Variants in RBBP6 observed in about 807,000 individuals in gnomAD.
RBBP6 encodes the protein RB binding protein 6, ubiquitin ligase.
Under a neutral mutation model 167.7 loss-of-function variants are expected in RBBP6, and 25 were observed. The observed-to-expected ratio is 0.15, with a 90% CI of 0.11 to 0.21. RBBP6 has a LOEUF of 0.21. RBBP6 is among the 10% of genes least tolerant of loss of function. The probability of loss-of-function intolerance (pLI) is 1.00; values close to 1 mark genes in which losing one functional copy is unlikely to be tolerated. For synonymous variants in RBBP6, 789 were observed against 735.8 expected, an observed-to-expected ratio of 1.07 and a Z score of -1.17; for missense variants, 1,868 against 2,134.2, an observed-to-expected ratio of 0.88 and a Z score of 2.46.
In RBBP6 at chr16:24,556,441, T is replaced by C; in HGVS notation, c.668T>C (p.Ile223Thr). Residue 223 changes from isoleucine (I) to threonine (T), a missense_variant, in exon 7 of 18, where the codon ATA (isoleucine) becomes ACA (threonine). Coordinates refer to ENST00000319715, the MANE Select transcript of RBBP6 (RefSeq NM_006910.5). ...ACTGGAAAATATGCAATACCAACTA[T>C]AGATGCGTAAGTATGCAAATTAGGT... ...TNTGKYAIPT[I>T]DAEAYAIGKK... The C allele has an allele frequency of 6.2e-7, 1 of 1,612,322 alleles. No individual in the cohort carries two copies. Among genetic ancestry groups the C allele is most frequent in the Non-Finnish European group, 8.5e-7 (1 of 1,179,042 alleles).
intron 7 of RBBP6, among the ~76,000 whole-genome samples, chr16:24,556,995 CT>C (rs397962167): frequency 0.15 from 15,719 of 108,346 alleles, 280 homozygotes; most frequent in Middle Eastern, 0.18. Flanking sequence ...ACCTTAATGC[CT>C]TTTTTTTTTT....
chr16:24,568,162 T>C (rs1899238988), intron 16 of RBBP6, among the ~76,000 whole-genome samples: 1 of 152,224 alleles, frequency 6.6e-6, no homozygotes, highest in Non-Finnish European at 1.5e-5. Context: ...GGAAATGTTT[T>C]TGGAAGGAAA....
At position 24,571,091 on chromosome 16, in the gene RBBP6, T is replaced by C; in HGVS notation, c.4025T>C (p.Val1342Ala). 1 of 1,612,432 alleles carries C rather than the reference T, an allele frequency of 6.2e-7. No individual in the cohort carries two copies. The highest frequency in any genetic ancestry group is 8.5e-7 in the Non-Finnish European group (1 of 1,178,760). The change falls in exon 18 of 18, where the codon GTA (valine) becomes GCA (alanine). Residue 1342 changes from valine to alanine, a missense_variant. By Grantham distance (64) the Val-to-Ala change is moderately conservative (BLOSUM62 0). Transcript: ENST00000319715. ...DVKSTQPISS[V>A]GKPASVIKNV... The stretch of plus-strand genomic sequence containing the variant: ...AAATCCACACAGCCTATATCAAGTG[T>C]AGGAAAACCTGCTAGTGTTATAAAA...
intron 6 of RBBP6, 66 bp from the exon 7 acceptor site, chr16:24,556,242 C>A: frequency 7.6e-7 from 1 of 1,310,526 alleles, no homozygotes; most frequent in Non-Finnish European, 1.1e-6. Context: ...ATAACATTAG[C>A]TAATTTATTA....
chr16:24,567,079 T>G (rs1899212207), intron 14 of RBBP6, 64 bp from the exon 15 acceptor site: 6 of 1,484,804 alleles, frequency 4.0e-6, no homozygotes, highest in Non-Finnish European at 5.5e-6. Flanking sequence ...ATAGAAGAGA[T>G]AAGCTTACTT....
At chr16:24,568,629 GAAA>G in intron 16 of RBBP6, 113 bp from the exon 17 acceptor site, 1 of 1,382,766 alleles carries the variant, frequency 7.2e-7, no homozygotes, top group Non-Finnish European at 9.5e-7. Context: ...CATCTAAGAT[GAAA>G]TTTGATATAA....
In RBBP6 at chr16:24,567,493, G is replaced by T; in HGVS notation, c.1940G>T (p.Arg647Leu). 1 of 1,607,962 alleles carries T rather than the reference G, an allele frequency of 6.2e-7. No homozygotes were observed. The highest frequency in any genetic ancestry group is 1.1e-5 in the South Asian group (1 of 90,684). The change falls in exon 15 of 18, where the codon CGA becomes CTA. Residue 647 changes from arginine to leucine, a missense_variant. Physicochemically the swap from Arg to Leu is moderately radical, Grantham distance 102. Around this residue, in one of 7 missense-constraint regions of RBBP6, gnomAD observed 145 missense variants for 224.3 expected, o/e 0.65. Transcript: ENST00000319715. ...SREEFYREQR[R>L]LKEEEKKKSK... ...GAAGAATTCTATAGAGAGCAGCGAC[G>T]ACTAAAAGAAGAGTATGTATTCTAA...
intron 8 of RBBP6, 154 bp downstream of exon 8, chr16:24,559,831 T>C (rs1399335282): frequency 1.1e-5 from 6 of 570,912 alleles, no homozygotes; most frequent in Non-Finnish European, 1.6e-5. Flanking sequence ...AGTCTGTTTT[T>C]CTTGCTGTAT....
At chr16:24,555,522 T>C (rs1452994705) in intron 4 of RBBP6, 93 bp from the exon 5 acceptor site, 1 of 931,578 alleles carries the variant, frequency 1.1e-6, no homozygotes, top group African/African-American at 1.7e-5. Context: ...ATTAGTTAGA[T>C]ACTGCTCTTT....
At chr16:24,552,728 C>T (rs1898826196) in intron 3 of RBBP6, among the ~76,000 whole-genome samples, 1 of 151,816 alleles carries the variant, frequency 6.6e-6, no homozygotes, top group African/African-American at 2.4e-5. Context: ...TTATCTCCCC[C>T]TCTTCAGTGT....
intron 1 of RBBP6, among the ~76,000 whole-genome samples, chr16:24,545,868 A>G (rs1238929239): frequency 3.9e-5 from 6 of 152,236 alleles, no homozygotes; most frequent in Admixed American, 6.5e-5. Context: ...CACCATTCAC[A>G]TGTTCAGCAT....
intron 13 of RBBP6, among the ~76,000 whole-genome samples, 171 bp from the exon 14 acceptor site, chr16:24,564,626 A>C (rs994826858): frequency 1.3e-5 from 2 of 152,244 alleles, no homozygotes; most frequent in Non-Finnish European, 2.9e-5. Context: ...AGTTAGTTTT[A>C]AGTAAATATA....
intron 14 of RBBP6, among the ~76,000 whole-genome samples, chr16:24,566,124 A>ACT (rs1899189629): frequency 6.6e-6 from 1 of 152,222 alleles, no homozygotes; most frequent in African/African-American, 2.4e-5. Flanking sequence ...ATGAAAGTTT[A>ACT]CTATGTCATT....
At position 24,568,737 on chromosome 16, in the gene RBBP6, G is replaced by GTT. The variant is rs765643400; in HGVS notation, c.2055-4_2055-3dup. ...CAACTATCAACTATTGTTTTGTTTT[G>GTT]TTTTTAGGTCTAAATCTCCCTATAG... On this transcript the variant is annotated splice_region_variant and splice_polypyrimidine_tract_variant and intron_variant, in intron 16 of 17. Transcript: ENST00000319715. The GTT allele has an allele frequency of 3.9e-5, 63 of 1,599,420 alleles. 1 individual carries two copies. In the South Asian group the frequency reaches 6.7e-4, roughly 17 times the overall value.
intron 10 of RBBP6, among the ~76,000 whole-genome samples, chr16:24,562,551 CAGGT>C (rs1489608407): frequency 2.0e-5 from 3 of 152,044 alleles, no homozygotes; most frequent in Non-Finnish European, 4.4e-5. Context: ...GGTAAAAACA[CAGGT>C]AAGTAGAGAA....
intron 9 of RBBP6, 33 bp downstream of exon 9, chr16:24,561,748 C>A (rs1379909783): frequency 1.2e-6 from 2 of 1,609,086 alleles, no homozygotes; most frequent in Non-Finnish European, 1.7e-6. Flanking sequence ...TGAAAAAATT[C>A]TTTTTAACTG....
At chr16:24,553,590 G>GT in intron 4 of RBBP6, 33 bp downstream of exon 4, 3 of 1,483,414 alleles carry the variant, frequency 2.0e-6, no homozygotes, top group South Asian at 1.3e-5. Flanking sequence ...GAAAATATAA[G>GT]TTTTTTTCTA....
chr16:24,571,151 A>G lies in RBBP6; in HGVS notation c.4085A>G (p.Tyr1362Cys), dbSNP rs377269600. ...ACAAAGCCATCAAATATAGTCAAGT[A>G]TCCTGAGAAAGAAAGTGAGCCATCC... is the stretch of plus-strand genomic sequence containing the variant. ...VSTKPSNIVK[Y>C]PEKESEPSEK... is the part of the protein sequence containing the mutation. The change falls in exon 18 of 18, where the codon TAT becomes TGT. Residue 1362 changes from tyrosine to cysteine, a missense_variant. Transcript: ENST00000319715. 2.5e-6 allele frequency: 4 copies of G among 1,613,610 alleles called. No homozygotes were observed. Among genetic ancestry groups the G allele is most frequent in the Admixed American group, 1.7e-5 (1 of 59,988 alleles).
Position 24,568,609 on chromosome 16 carries a change from C to A in RBBP6, c.2055-136C>A, listed in dbSNP as rs1899248803. 8.6e-6 allele frequency: 11 copies of A among 1,271,688 alleles called. No individual in the cohort carries two copies. The Admixed American group carries it at 1.2e-4, about 13-fold the overall frequency. The allele number at this position is 1,271,688 out of a possible 1,614,324, so 78.8% of individuals were successfully genotyped here. A position where few individuals can be genotyped will look rare whatever the true frequency, so the allele number is the denominator to read the frequency against. ...TTCCATTCCAGTAGAGGTCACTGTG[C>A]CTCTTTAATCATCTAAGATGAAATT... On this transcript the variant is annotated intron_variant, in intron 16 of 17. Coordinates refer to ENST00000319715, the MANE Select transcript of RBBP6 (RefSeq NM_006910.5).
Sources: gnomAD v4.1 joint callset for allele counts (sites outside exome capture counted in the v4.1 genomes callset) on GRCh38, gnomAD v4.1.1 for gene constraint, gnomAD v4.1.1 regional missense constraint, MANE v1.5 for transcripts, NCBI Gene and HGNC (gene_info 2026-07-23, HGNC 2026-07-21) for gene names.